The following VPS13D variants were observed in gnomAD, a reference collection of about 807,000 sequenced individuals.
The protein encoded by VPS13D is intermembrane lipid transfer protein VPS13D.
In VPS13D, 187 loss-of-function variants were observed where a neutral mutation model predicts 461.9. The observed-to-expected ratio is 0.40, with a 90% CI of 0.36 to 0.46. VPS13D has a LOEUF of 0.46. Among genes scored for constraint, VPS13D ranks in the 20% least tolerant of loss-of-function variants. VPS13D has a pLI of 0.60. For missense variants in VPS13D, 4,711 were observed against 5,364.9 expected, an observed-to-expected ratio of 0.88 and a Z score of 3.81; for synonymous variants, 1,951 against 1,986.3, an observed-to-expected ratio of 0.98 and a Z score of 0.47.
At chr1:12,463,762 G>A (rs1264224993) in intron 67 of VPS13D, among the ~76,000 whole-genome samples, 3 of 152,176 alleles carry the variant, frequency 2.0e-5, no homozygotes, top group Admixed American at 1.3e-4. Flanking sequence ...AACAAGGAAA[G>A]AGAACACTTG....
Position 12,266,920 on chromosome 1 carries a change from C to T in VPS13D, c.1634C>T (p.Ser545Phe). The change falls in exon 14 of 70, where the codon TCC (serine) becomes TTC (phenylalanine). Residue 545 changes from serine to phenylalanine, a missense_variant. Transcript: ENST00000620676. ...LLAESLPRRN[S>F]SLLSVRLGGL... ...GCAGAGTCTCTTCCTCGAAGAAATT[C>T]CTCGTTGCTTTCAGTCCGGTTGGGT... 6.2e-7 allele frequency: 1 copy of T among 1,604,732 alleles called. No individual in the cohort carries two copies. The highest frequency in any genetic ancestry group is 1.7e-5 in the Admixed American group (1 of 57,160).
At chr1:12,236,492 T>C (rs1293598472) in intron 2 of VPS13D, among the ~76,000 whole-genome samples, 1 of 152,140 alleles carries the variant, frequency 6.6e-6, no homozygotes, top group Non-Finnish European at 1.5e-5. Context: ...GCAGTCCTCC[T>C]GCCTCAGCCT....
In VPS13D at chr1:12,409,784, A is replaced by G. The variant is rs973154017; in HGVS notation, c.12031-5303A>G. Reference sequence around the variant, plus strand: ...GGCTAGTTGAGAACTTCAAGAAAAGACAGATCGTGGGGGCGGGGTTGGGGA... The same window carrying G: ...GGCTAGTTGAGAACTTCAAGAAAAGGCAGATCGTGGGGGCGGGGTTGGGGA... On this transcript the variant is annotated intron_variant, in intron 63 of 69. Transcript: ENST00000620676. 9.1e-6 allele frequency: 4 copies of G among 437,314 alleles called. 1 individual carries two copies. The highest frequency in any genetic ancestry group is 6.5e-5 in the South Asian group (4 of 61,350). The allele number at this position is 437,314 out of a possible 1,614,324, so 27.1% of individuals were successfully genotyped here.
chr1:12,263,173 C>G (rs890739741), intron 13 of VPS13D, among the ~76,000 whole-genome samples: 2 of 152,146 alleles, frequency 1.3e-5, no homozygotes, highest in South Asian at 4.1e-4. Flanking sequence ...ACATCACAGT[C>G]TTCTTGCACT....
intron 16 of VPS13D, among the ~76,000 whole-genome samples, chr1:12,270,737 C>A (rs1372876251): frequency 6.6e-6 from 1 of 152,048 alleles, no homozygotes; most frequent in Non-Finnish European, 1.5e-5. Flanking sequence ...TTCCTTGAGA[C>A]AGGGTCTTGC....
At chr1:12,417,997 C>T (rs1455647379) in intron 65 of VPS13D, among the ~76,000 whole-genome samples, 1 of 152,110 alleles carries the variant, frequency 6.6e-6, no homozygotes, top group Non-Finnish European at 1.5e-5. Flanking sequence ...ACCTCTGCCT[C>T]CCGAGTTCAA....
chr1:12,479,002 A>G, intron 67 of VPS13D: 1 of 419,388 alleles, frequency 2.4e-6, no homozygotes, highest in South Asian at 1.7e-5. Context: ...AGGTGCTAAA[A>G]CAGAGCAGGT....
At chr1:12,338,043 A>G (rs1477070176) in intron 39 of VPS13D, 188 bp from the exon 40 acceptor site, 5 of 512,280 alleles carry the variant, frequency 9.8e-6, no homozygotes, top group South Asian at 6.3e-5. Context: ...AAAAACTAGC[A>G]TAAAAATGTG....
At position 12,379,579 on chromosome 1, in the gene VPS13D, C is replaced by T. The variant is rs758504456; in HGVS notation, c.11173C>T (p.His3725Tyr). Residue 3725 changes from histidine to tyrosine, a missense_variant, in exon 57 of 70, where the codon CAT (histidine) becomes TAT (tyrosine). Physicochemically the swap from His to Tyr is moderately conservative, Grantham distance 83 (BLOSUM62 2). This residue lies in a region of VPS13D where 4,411 missense variants were observed against 4,937.8 expected (regional missense o/e 0.89). Transcript: ENST00000620676. ...AGAAGGAAAACTGACCTGTGGGTTA[C>T]ATGGGTTGGTCGTCCAGGTCAGTCG... ...FREGKLTCGL[H>Y]GLVVQAKGGL... 1 of 1,613,406 alleles carries T rather than the reference C, an allele frequency of 6.2e-7. No homozygotes were observed. The highest frequency in any genetic ancestry group is 8.5e-7 in the Non-Finnish European group (1 of 1,179,668).
chr1:12,354,229 T>C lies in VPS13D; in HGVS notation c.9679+8T>C, dbSNP rs779332184. The stretch of plus-strand genomic sequence containing the variant: ...CCCAGAACATTGAGCTGGGTAAGAA[T>C]GTAGTCAGATGATCATTTGTCATAA... On this transcript the variant is annotated splice_region_variant and intron_variant, in intron 47 of 69. Coordinates refer to ENST00000620676, the MANE Select transcript of VPS13D (RefSeq NM_015378.4). 3 of 1,612,718 alleles carry C rather than the reference T, an allele frequency of 1.9e-6. No homozygotes were observed. The Admixed American group carries it at 5.0e-5, about 27-fold the overall frequency.
intron 21 of VPS13D, among the ~76,000 whole-genome samples, chr1:12,285,451 C>A (rs1201726480): frequency 6.6e-6 from 1 of 151,796 alleles, no homozygotes; most frequent in East Asian, 1.9e-4. Context: ...CCGCCATGCC[C>A]ATCTAATTTT....
Position 12,343,062 on chromosome 1 carries a change from G to A in VPS13D, c.8885+11G>A, listed in dbSNP as rs1344557226. ...AAAGTTAAGACACAGGTAAAGTATG[G>A]TTTATTCTTTTCTTTAAAAAAAAGA... is the stretch of plus-strand genomic sequence containing the variant. On this transcript the variant is annotated intron_variant, in intron 42 of 69. Coordinates refer to ENST00000620676, the MANE Select transcript of VPS13D (RefSeq NM_015378.4). 1 of 1,589,074 alleles carries A rather than the reference G, an allele frequency of 6.3e-7. No homozygotes were observed. The highest frequency in any genetic ancestry group is 8.6e-7 in the Non-Finnish European group (1 of 1,162,408).
chr1:12,262,180 G>A (rs1356218683), intron 13 of VPS13D, 100 bp downstream of exon 13: 1 of 1,330,010 alleles, frequency 7.5e-7, no homozygotes, highest in Non-Finnish European at 1.0e-6. Context: ...TAGAAAGTCA[G>A]TGCGAAAACT....
intron 67 of VPS13D, among the ~76,000 whole-genome samples, chr1:12,474,232 C>T (rs1645600539): frequency 6.6e-6 from 1 of 152,080 alleles, no homozygotes; most frequent in African/African-American, 2.4e-5. Flanking sequence ...TAAACTGTTT[C>T]AGGCCACCGT....
At chr1:12,325,536 G>A (rs570088698) in intron 35 of VPS13D, among the ~76,000 whole-genome samples, 186 of 152,284 alleles carry the variant, frequency 1.2e-3, no homozygotes, top group Middle Eastern at 3.4e-3. Flanking sequence ...GAGATTACAG[G>A]CGTGAGCCAC....
chr1:12,379,825 G>A (rs1644248636), intron 57 of VPS13D, among the ~76,000 whole-genome samples: 1 of 151,266 alleles, frequency 6.6e-6, no homozygotes, highest in Non-Finnish European at 1.5e-5. Context: ...CTGGAGTGCA[G>A]TGGCACAATC....
At chr1:12,435,392 T>C (rs1434090278) in intron 65 of VPS13D, among the ~76,000 whole-genome samples, 1 of 152,058 alleles carries the variant, frequency 6.6e-6, no homozygotes, top group African/African-American at 2.4e-5. Context: ...GCCTAGGAAG[T>C]TGAGGCTGCA....
At chr1:12,308,180 C>A (rs996803465) in intron 26 of VPS13D, among the ~76,000 whole-genome samples, 2 of 152,038 alleles carry the variant, frequency 1.3e-5, no homozygotes, top group African/African-American at 4.8e-5. Flanking sequence ...AGAACTGTGA[C>A]GCGGTCTGTG....
intron 44 of VPS13D, among the ~76,000 whole-genome samples, chr1:12,348,053 G>C (rs1351188767): frequency 2.0e-5 from 3 of 152,232 alleles, no homozygotes; most frequent in African/African-American, 7.2e-5. Flanking sequence ...ATTGGTTTTT[G>C]TGTAGACATG....
Sources: allele counts gnomAD v4.1 joint callset (sites outside exome capture counted in the v4.1 genomes callset), GRCh38; gene constraint gnomAD v4.1.1; regional missense constraint gnomAD v4.1.1; transcripts MANE v1.5; gene names NCBI Gene and HGNC (gene_info 2026-07-23, HGNC 2026-07-21).